VWF: variants seen among roughly 807,000 people sequenced by gnomAD.
The protein encoded by VWF is von Willebrand factor.
A neutral mutation model predicts 308.6 loss-of-function variants in VWF; 176 were observed. The ratio of observed to expected loss-of-function variants is 0.57; its 90% CI spans 0.50 to 0.65. VWF has a LOEUF of 0.65. VWF is among the 30% of genes least tolerant of loss of function. The pLI, the probability that VWF is intolerant of heterozygous loss-of-function variation, is 0.00. For synonymous variants in VWF, 1,385 were observed against 1,443.4 expected (o/e 0.96, Z 0.92); for missense variants, 3,146 against 3,648.2 (o/e 0.86, Z 3.55).
intron 5 of VWF, among the ~76,000 whole-genome samples, chr12:6,100,643 C>CA (rs1945152684): frequency 6.6e-6 from 1 of 151,970 alleles, no homozygotes; most frequent in Non-Finnish European, 1.5e-5. Flanking sequence ...ATTGCAAGGA[C>CA]AAAAAACCAA....
At chr12:6,096,154 TGGAC>T (rs1166223949) in intron 5 of VWF, among the ~76,000 whole-genome samples, 1 of 148,320 alleles carries the variant, frequency 6.7e-6, no homozygotes, top group Non-Finnish European at 1.5e-5. Flanking sequence ...GATGGATGGA[TGGAC>T]GGTTACAATT....
rs144225315 is a variant in VWF, at chr12:6,029,414, C to G, written c.2895G>C (p.Leu965=). 16 of 1,614,146 alleles carry G rather than the reference C, an allele frequency of 9.9e-6. No homozygotes were observed. The African/African-American group carries it at 2.1e-4, about 22-fold the overall frequency. ...AGACCACGGAGAGGGCTTTGCCCAG[C>G]AGCAGAATGATGTACCGGCCAGACT... ...VVESGRYIIL[L]LGKALSVVWD... The change falls in exon 22 of 52, where the codon CTG becomes CTC. Residue 965 remains leucine, a synonymous_variant. Transcript: ENST00000261405.
At chr12:6,040,916 GC>G (rs1944389862) in intron 18 of VWF, among the ~76,000 whole-genome samples, 1 of 152,182 alleles carries the variant, frequency 6.6e-6, no homozygotes, top group Non-Finnish European at 1.5e-5. Context: ...ACACTGAGAG[GC>G]ACCTTAGAGG....
chr12:6,039,229 G>A (rs1278623533), intron 18 of VWF, among the ~76,000 whole-genome samples: 2 of 152,196 alleles, frequency 1.3e-5, no homozygotes, highest in African/African-American at 2.4e-5. Flanking sequence ...AAAAATACTC[G>A]TCCCATCACT....
At chr12:6,092,620 T>TGAGAGTGA (rs1250915385) in intron 6 of VWF, among the ~76,000 whole-genome samples, 1 of 89,678 alleles carries the variant, frequency 1.1e-5, no homozygotes, top group African/African-American at 6.0e-5. Flanking sequence ...TGAGTGAGAG[T>TGAGAGTGA]GTGTGTGTGT....
At chr12:6,106,466 T>C (rs1017106327) in intron 5 of VWF, among the ~76,000 whole-genome samples, 1 of 152,182 alleles carries the variant, frequency 6.6e-6, no homozygotes, top group Non-Finnish European at 1.5e-5. Flanking sequence ...GTAATGAATA[T>C]AAAGTTTCAG....
chr12:6,073,657 A>G lies in VWF; in HGVS notation c.959T>C (p.Met320Thr). ...RTCQSLHINE[M>T]CQERCVDGCS... ...GCCATCCACGCATCGCTCCTGACACATTTCATTGATGTGCAGGCTCTGGCA... is the reference window on the plus strand; with the variant it reads ...GCCATCCACGCATCGCTCCTGACACGTTTCATTGATGTGCAGGCTCTGGCA... The change falls in exon 8 of 52, where the codon ATG becomes ACG. Residue 320 changes from methionine (M) to threonine (T), a missense_variant. Coordinates refer to ENST00000261405, the MANE Select transcript of VWF (RefSeq NM_000552.5). 6.2e-7 allele frequency: 1 copy of G among 1,614,088 alleles called. No individual in the cohort carries two copies. Among genetic ancestry groups the G allele is most frequent in the Non-Finnish European group, 8.5e-7 (1 of 1,180,028 alleles).
chr12:6,055,693 A>C (rs752343812), intron 15 of VWF, among the ~76,000 whole-genome samples: 17 of 150,722 alleles, frequency 1.1e-4, no homozygotes, highest in Non-Finnish European at 2.4e-4. Flanking sequence ...ATAGATGCTA[A>C]TTCCTTTCAC....
At chr12:6,051,088 G>A (rs1944504363) in intron 16 of VWF, among the ~76,000 whole-genome samples, 1 of 152,054 alleles carries the variant, frequency 6.6e-6, no homozygotes. Flanking sequence ...TGAAGTGTTT[G>A]CAGGTGAAAT....
At chr12:6,077,322 A>G (rs900925746) in intron 6 of VWF, among the ~76,000 whole-genome samples, 1 of 152,146 alleles carries the variant, frequency 6.6e-6, no homozygotes. Context: ...CTCAAAAAAC[A>G]AGCCGGGTTC....
At chr12:5,969,002 A>G (rs1210108192) in intron 45 of VWF, among the ~76,000 whole-genome samples, 1 of 152,214 alleles carries the variant, frequency 6.6e-6, no homozygotes, top group African/African-American at 2.4e-5. Flanking sequence ...GCCGAATCCC[A>G]GTCTTGCCAT....
At chr12:6,002,716 A>T (rs559300397) in intron 34 of VWF, among the ~76,000 whole-genome samples, 1 of 152,296 alleles carries the variant, frequency 6.6e-6, no homozygotes, top group African/African-American at 2.4e-5. Flanking sequence ...ACCCCAAATG[A>T]TTTCACAAGG....
At chr12:6,065,649 C>A (rs1944705264) in intron 10 of VWF, among the ~76,000 whole-genome samples, 1 of 152,216 alleles carries the variant, frequency 6.6e-6, no homozygotes. Flanking sequence ...ATCAGGGCCA[C>A]ACCAGCCTCA....
At chr12:6,016,682 T>C in intron 29 of VWF, 26 bp from the exon 30 acceptor site, 1 of 1,614,252 alleles carries the variant, frequency 6.2e-7, no homozygotes, top group East Asian at 2.2e-5. Flanking sequence ...AAATGCGGAT[T>C]ATTTTGAATC....
chr12:6,110,416 T>C lies in VWF; in HGVS notation c.490A>G (p.Asn164Asp). Reference protein sequence around the residue: ...YFNKTCGLCGNFNIFAEDDFM... With the variant: ...YFNKTCGLCGDFNIFAEDDFM... Reference sequence around the variant, plus strand: ...TCATCTTCAGCAAAGATGTTAAAGTTGCCACACAGCCCGCAGGTCTTGTTG... The same window carrying C: ...TCATCTTCAGCAAAGATGTTAAAGTCGCCACACAGCCCGCAGGTCTTGTTG... Residue 164 changes from asparagine to aspartate, a missense_variant, in exon 5 of 52, where the codon AAC (asparagine) becomes GAC (aspartate). This residue lies in a region of VWF where 1,304 missense variants were observed against 1,353.0 expected (regional missense o/e 0.96). Coordinates refer to ENST00000261405, the MANE Select transcript of VWF (RefSeq NM_000552.5). 1 of 1,614,162 alleles carries C rather than the reference T, an allele frequency of 6.2e-7. No individual in the cohort carries two copies. Among genetic ancestry groups the C allele is most frequent in the Non-Finnish European group, 8.5e-7 (1 of 1,180,024 alleles).
At chr12:6,095,034 G>A (rs12299946) in intron 6 of VWF, among the ~76,000 whole-genome samples, 21,780 of 151,782 alleles carry the variant, frequency 0.14, 1,959 homozygotes, top group East Asian at 0.42. Context: ...TCCTGATCTC[G>A]TGATCCACCC....
chr12:6,029,281 G>T, intron 22 of VWF, 61 bp downstream of exon 22: 2 of 1,609,008 alleles, frequency 1.2e-6, no homozygotes, highest in Non-Finnish European at 1.7e-6. Flanking sequence ...CCTACGATCA[G>T]GGAGCAGAAA....
At chr12:6,050,776 C>A (rs7955254) in intron 16 of VWF, among the ~76,000 whole-genome samples, 2 of 151,878 alleles carry the variant, frequency 1.3e-5, no homozygotes, top group East Asian at 1.9e-4. Flanking sequence ...CCTGACATGG[C>A]GAAACCCCGT....
chr12:6,039,029 G>C (rs1454133315), intron 18 of VWF, among the ~76,000 whole-genome samples: 1 of 152,172 alleles, frequency 6.6e-6, no homozygotes, highest in Non-Finnish European at 1.5e-5. Flanking sequence ...GGACCCAGAG[G>C]GGAGCTGTGC....
Sources: gnomAD v4.1 joint callset for allele counts (sites outside exome capture counted in the v4.1 genomes callset) on GRCh38, gnomAD v4.1.1 for gene constraint, gnomAD v4.1.1 regional missense constraint, MANE v1.5 for transcripts, NCBI Gene and HGNC (gene_info 2026-07-23, HGNC 2026-07-21) for gene names.